The following PTPRE variants were observed in gnomAD, a reference collection of about 807,000 sequenced individuals.
PTPRE encodes the protein protein tyrosine phosphatase receptor type E.
PTPRE carries 51 observed loss-of-function variants against 102.0 expected under a neutral mutation model. The observed-to-expected ratio is 0.50, with a 90% CI of 0.40 to 0.63. The LOEUF is 0.63. Ranked by LOEUF, PTPRE falls within the 30% of genes least tolerant of loss-of-function variation. The probability of loss-of-function intolerance (pLI) is 0.00; values close to 1 mark genes in which losing one functional copy is unlikely to be tolerated. For synonymous variants in PTPRE, 345 were observed against 348.2 expected (o/e 0.99, Z 0.10); for missense variants, 752 against 915.1 (o/e 0.82, Z 2.30).
chr10:128,003,967 A>C (rs1173566524), intron 2 of PTPRE, among the ~76,000 whole-genome samples: 2 of 150,972 alleles, frequency 1.3e-5, no homozygotes, highest in Admixed American at 6.6e-5. Context: ...CACAGAGAGG[A>C]AGCCATGTCA....
In PTPRE at chr10:128,070,456, T is replaced by A; in HGVS notation, c.1293+6T>A. 6.2e-7 allele frequency: 1 copy of A among 1,611,674 alleles called. No homozygotes were observed. Among genetic ancestry groups the A allele is most frequent in the South Asian group, 1.1e-5 (1 of 90,448 alleles). ...GGCTGGAGGAGGAGTTCAGGGTGAG[T>A]ACAGCTGACCCTCCTCTCCATCCTG... On this transcript the variant is annotated splice_donor_region_variant and intron_variant, in intron 14 of 20. Coordinates refer to ENST00000254667, the MANE Select transcript of PTPRE (RefSeq NM_006504.6). The surrounding 1 kb of genome is among the most constrained non-coding windows in gnomAD (Gnocchi z 4.8).
chr10:128,023,059 C>G (rs749942911), intron 2 of PTPRE, among the ~76,000 whole-genome samples: 1 of 152,198 alleles, frequency 6.6e-6, no homozygotes, highest in Non-Finnish European at 1.5e-5. Context: ...CAGTTACCCA[C>G]GGTCAACTGT....
intron 2 of PTPRE, among the ~76,000 whole-genome samples, chr10:128,011,539 C>A (rs1317172300): frequency 2.0e-5 from 3 of 152,244 alleles, no homozygotes; most frequent in African/African-American, 4.8e-5. Flanking sequence ...TGGCATAGCA[C>A]CCGGGCTTCA....
At chr10:127,976,258 C>T (rs1053535244) in intron 1 of PTPRE, among the ~76,000 whole-genome samples, 9 of 152,160 alleles carry the variant, frequency 5.9e-5, no homozygotes, top group Non-Finnish European at 1.2e-4. Context: ...CCCTACACCT[C>T]GGAAGGGAGC....
chr10:128,046,312 C>G (rs949693102), intron 3 of PTPRE, among the ~76,000 whole-genome samples: 9 of 152,324 alleles, frequency 5.9e-5, no homozygotes, highest in African/African-American at 2.2e-4. Flanking sequence ...CCCGGAGCAC[C>G]CTCGGGAGGC....
Position 128,085,275 on chromosome 10 carries a change from G to A in PTPRE, c.*2369G>A, listed in dbSNP as rs923772803. ...CTCAGAATCTTCTCCGTGCAACCTG[G>A]AAAGTTCATCTCTTGTTTCCTTCAG... On this transcript the variant is annotated 3_prime_UTR_variant, in exon 21 of 21. Coordinates refer to ENST00000254667, the MANE Select transcript of PTPRE (RefSeq NM_006504.6). 1 of 313,472 alleles carries A rather than the reference G, an allele frequency of 3.2e-6. No individual in the cohort carries two copies. The highest frequency in any genetic ancestry group is 2.2e-5 in the African/African-American group (1 of 46,078). The allele number at this position is 313,472 out of a possible 1,614,324, so 19.4% of individuals were successfully genotyped here.
chr10:127,959,247 G>C (rs991638461), intron 1 of PTPRE, among the ~76,000 whole-genome samples: 5 of 152,174 alleles, frequency 3.3e-5, no homozygotes, highest in African/African-American at 9.7e-5. Context: ...ACAACAAGTT[G>C]GGACTTGAGG....
chr10:128,029,245 G>A (rs916728369), intron 2 of PTPRE, among the ~76,000 whole-genome samples: 1 of 152,200 alleles, frequency 6.6e-6, no homozygotes, highest in African/African-American at 2.4e-5. Flanking sequence ...CAGGCTCCTA[G>A]TTCTTGGTGA....
At chr10:127,959,654 C>T (rs754571577) in intron 1 of PTPRE, among the ~76,000 whole-genome samples, 17 of 152,356 alleles carry the variant, frequency 1.1e-4, no homozygotes, top group South Asian at 4.1e-4. Context: ...CACTTTTCAA[C>T]GAGCTTTAAG....
chr10:128,028,423 C>G lies in PTPRE; in HGVS notation c.-7-12452C>G, dbSNP rs943277308. Among the ~76,000 whole-genome samples, 16 of 152,110 alleles carry G rather than the reference C, an allele frequency of 1.1e-4. No individual in the cohort carries two copies. Among genetic ancestry groups the G allele is most frequent in the African/African-American group, 3.9e-4 (16 of 41,414 alleles). On this transcript the variant is annotated intron_variant, in intron 2 of 20. Coordinates refer to ENST00000254667, the MANE Select transcript of PTPRE (RefSeq NM_006504.6). This position sits in a 1 kb window ranked among gnomAD's most constrained non-coding sequence, Gnocchi z 4.5. ...GGCTGGAATTGCTGGGCCGTGATCT[C>G]CTCCATCTTTTCTTTCTCCAGCTGC...
At chr10:128,045,793 C>T (rs559974449) in intron 3 of PTPRE, among the ~76,000 whole-genome samples, 19 of 152,346 alleles carry the variant, frequency 1.2e-4, no homozygotes, top group African/African-American at 3.6e-4. Context: ...GTGGCAGCCA[C>T]ACCCAGCCAC....
chr10:127,915,991 C>T (rs1239273034), intron 1 of PTPRE, among the ~76,000 whole-genome samples: 2 of 137,918 alleles, frequency 1.5e-5, no homozygotes, highest in African/African-American at 5.5e-5. Flanking sequence ...GCTGGAGTTA[C>T]AGGGAAAAAA....
At position 128,072,996 on chromosome 10, in the gene PTPRE, C is replaced by T. The variant is rs111305708; in HGVS notation, c.1465-341C>T. On this transcript the variant is annotated intron_variant, in intron 16 of 20. Coordinates refer to ENST00000254667, the MANE Select transcript of PTPRE (RefSeq NM_006504.6). ...CAGATGAGAAAATTGTACCAGAATC[C>T]GGTGGGCTCCATGCTGATCTAGCTG... 8.2e-3 allele frequency among the ~76,000 whole-genome samples: 1,254 copies of T among 152,306 alleles called. 24 individuals are homozygous for T. Among genetic ancestry groups the T allele is most frequent in the African/African-American group, 0.029 (1,195 of 41,554 alleles).
intron 2 of PTPRE, among the ~76,000 whole-genome samples, chr10:127,988,128 A>T (rs1262610458): frequency 1.3e-5 from 2 of 152,224 alleles, no homozygotes. Flanking sequence ...GCGGTGCATC[A>T]GGATGAGGTC....
At chr10:128,048,521 T>G (rs1848282157) in intron 5 of PTPRE, among the ~76,000 whole-genome samples, 1 of 152,156 alleles carries the variant, frequency 6.6e-6, no homozygotes, top group South Asian at 2.1e-4. Flanking sequence ...AATAGACTCT[T>G]AAAACGGACC....
intron 2 of PTPRE, among the ~76,000 whole-genome samples, chr10:127,995,233 C>A (rs938307773): frequency 6.6e-6 from 1 of 152,104 alleles, no homozygotes. Context: ...AGAGGAGAAC[C>A]CAAAGTGTGT....
intron 1 of PTPRE, among the ~76,000 whole-genome samples, chr10:127,974,067 A>G (rs1850962605): frequency 6.6e-6 from 1 of 152,178 alleles, no homozygotes; most frequent in African/African-American, 2.4e-5. Context: ...CATCACAGTG[A>G]CCTACTTTGC....
rs1486814861 is a variant in PTPRE at position 128,035,249 on chromosome 10, A to C, written c.-7-5626A>C. Reference sequence around the variant, plus strand: ...ATCTGTCGGCCTGGGCATCCAAAAAAAGTTTTCTTAAAAACATATATATGT... The same window carrying C: ...ATCTGTCGGCCTGGGCATCCAAAAACAGTTTTCTTAAAAACATATATATGT... On this transcript the variant is annotated intron_variant, in intron 2 of 20. Transcript: ENST00000254667. 2.0e-5 allele frequency among the ~76,000 whole-genome samples: 3 copies of C among 151,542 alleles called. No homozygotes were observed. The Admixed American group carries it at 2.0e-4, about 10-fold the overall frequency.
At chr10:128,069,885 C>G in intron 13 of PTPRE, 58 bp downstream of exon 13, 2 of 1,612,546 alleles carry the variant, frequency 1.2e-6, no homozygotes. Context: ...CCGATGCCTT[C>G]GCCACACAGG....
Sources: allele counts gnomAD v4.1 joint callset (sites outside exome capture counted in the v4.1 genomes callset), GRCh38; gene constraint gnomAD v4.1.1; non-coding constraint Gnocchi (gnomAD v3.1); transcripts MANE v1.5; gene names NCBI Gene and HGNC (gene_info 2026-07-23, HGNC 2026-07-21).